The following LRTM3 variants were observed in gnomAD, a reference collection of about 807,000 sequenced individuals.
LRTM3 encodes the protein leucine-rich repeat transmembrane protein 3.
chr13:102,733,872 C>G, the LRTM3 span: 1 of 1,551,284 alleles, frequency 6.4e-7, no homozygotes, highest in Non-Finnish European at 8.7e-7. Flanking sequence ...TGCTTAACAA[C>G]GTTTTTATCA....
At chr13:102,731,314 A>G in the LRTM3 span, 1 of 1,551,412 alleles carries the variant, frequency 6.4e-7, no homozygotes, top group Non-Finnish European at 8.7e-7. Flanking sequence ...TTTTATGTCT[A>G]GAATAGAACC....
the LRTM3 span, among the ~76,000 whole-genome samples, chr13:102,757,785 C>A: frequency 5.3e-5 from 8 of 152,298 alleles, no homozygotes; most frequent in African/African-American, 1.7e-4. Flanking sequence ...CACAGGGCAA[C>A]TTTCCTGTAT....
chr13:102,755,486 C>T, the LRTM3 span, among the ~76,000 whole-genome samples: 2 of 152,084 alleles, frequency 1.3e-5, no homozygotes, highest in Non-Finnish European at 2.9e-5. Context: ...AGAATGAGAT[C>T]ATGGCCTTTG....
At chr13:102,749,092 A>G in the LRTM3 span, 1 of 1,549,670 alleles carries the variant, frequency 6.5e-7, no homozygotes, top group African/African-American at 1.4e-5. Context: ...TATCTGATAT[A>G]TCTTTCCTTT....
chr13:102,749,931 G>T, the LRTM3 span: 1 of 1,551,126 alleles, frequency 6.4e-7, no homozygotes, highest in Non-Finnish European at 8.7e-7. Flanking sequence ...GAAGGAATTT[G>T]ATTCCTCACA....
At chr13:102,752,273 T>G in the LRTM3 span, among the ~76,000 whole-genome samples, 8 of 152,210 alleles carry the variant, frequency 5.3e-5, no homozygotes, top group African/African-American at 1.7e-4. Context: ...CAATTGCTCA[T>G]GCACACATTT....
the LRTM3 span, chr13:102,743,273 T>G: frequency 3.2e-5 from 50 of 1,550,546 alleles, no homozygotes; most frequent in Non-Finnish European, 4.4e-5. Context: ...TTGTGTTGGT[T>G]GTGTATGACT....
the LRTM3 span, chr13:102,740,534 G>A: frequency 6.5e-7 from 1 of 1,549,564 alleles, no homozygotes; most frequent in Non-Finnish European, 8.7e-7. Flanking sequence ...TTTTTGGCCT[G>A]TTTTGAGTAA....
chr13:102,734,320 T>A, the LRTM3 span: 2 of 1,551,406 alleles, frequency 1.3e-6, no homozygotes, highest in Non-Finnish European at 1.7e-6. Context: ...TTAGTGGAAG[T>A]ACAAAGGATG....
At chr13:102,750,991 C>G in the LRTM3 span, among the ~76,000 whole-genome samples, 212 of 152,276 alleles carry the variant, frequency 1.4e-3, no homozygotes, top group African/African-American at 4.9e-3. Flanking sequence ...TCAGCATCTT[C>G]TGGTGTGATG....
the LRTM3 span, chr13:102,748,415 A>C: frequency 2.6e-6 from 4 of 1,551,254 alleles, no homozygotes; most frequent in Non-Finnish European, 3.5e-6. Flanking sequence ...CAACTCCAGA[A>C]CAAGTTCCAA....
the LRTM3 span, chr13:102,733,744 C>G: frequency 6.4e-7 from 1 of 1,551,364 alleles, no homozygotes; most frequent in Non-Finnish European, 8.7e-7. Context: ...TTAAAACTAA[C>G]TGATTCAAAT....
At chr13:102,741,320 G>C in the LRTM3 span, 2 of 1,549,702 alleles carry the variant, frequency 1.3e-6, no homozygotes, top group Non-Finnish European at 1.7e-6. Context: ...TAAGTGAAGA[G>C]GGTCCTTACT....
chr13:102,731,672 G>C, the LRTM3 span: 1 of 1,551,062 alleles, frequency 6.4e-7, no homozygotes, highest in African/African-American at 1.4e-5. Context: ...TTCACAAATG[G>C]GAAGTAAATG....
the LRTM3 span, chr13:102,750,100 T>C: frequency 8.4e-6 from 13 of 1,551,076 alleles, no homozygotes; most frequent in East Asian, 3.2e-4. Flanking sequence ...TTTTCATCAT[T>C]GAAAATAATT....
chr13:102,751,724 G>A, the LRTM3 span, among the ~76,000 whole-genome samples: 80,963 of 152,022 alleles, frequency 0.53, 24,504 homozygotes, highest in Non-Finnish European at 0.67. Flanking sequence ...AATCAAAATA[G>A]TGAAGGCAGT....
the LRTM3 span, chr13:102,744,730 AT>A: frequency 9.0e-6 from 14 of 1,550,528 alleles, 1 homozygote; most frequent in South Asian, 1.4e-4. Context: ...TTTTTTGAAT[AT>A]TTTTATCTTC....
At chr13:102,731,611 T>C in the LRTM3 span, 2 of 1,551,406 alleles carry the variant, frequency 1.3e-6, no homozygotes, top group Non-Finnish European at 1.7e-6. Flanking sequence ...CAGAAGAAAC[T>C]TTGTCTTGGA....
chr13:102,729,671 C>T, the LRTM3 span: 2 of 1,549,506 alleles, frequency 1.3e-6, no homozygotes, highest in South Asian at 2.4e-5. Context: ...GTTTTGTTTT[C>T]TTTCAGAATA....
Sources: allele counts gnomAD v4.1 joint callset (sites outside exome capture counted in the v4.1 genomes callset), GRCh38; gene constraint gnomAD v4.1.1; transcripts MANE v1.5; gene names NCBI Gene and HGNC (gene_info 2026-07-23, HGNC 2026-07-21).